Variants in DST observed in about 807,000 individuals in gnomAD.
DST encodes the protein bullous pemphigoid antigen.
Under a neutral mutation model 875.2 loss-of-function variants are expected in DST, and 253 were observed. The observed-to-expected ratio is 0.29, with a 90% CI of 0.26 to 0.32. DST has a LOEUF of 0.32. Ranked by LOEUF, DST falls within the 10% of genes least tolerant of loss-of-function variation. The probability of loss-of-function intolerance (pLI) is 1.00; values close to 1 mark genes in which losing one functional copy is unlikely to be tolerated. For synonymous variants in DST, 3,124 were observed against 3,197.1 expected (o/e 0.98, Z 0.77); for missense variants, 8,287 against 9,111.6 (o/e 0.91, Z 3.68).
At chr6:56,589,151 A>G (rs1268601350) in intron 49 of DST, among the ~76,000 whole-genome samples, 1 of 152,236 alleles carries the variant, frequency 6.6e-6, no homozygotes, top group Non-Finnish European at 1.5e-5. Flanking sequence ...TACTGAATGA[A>G]TAAATACATC....
chr6:56,669,207 A>G (rs976536412), intron 10 of DST, among the ~76,000 whole-genome samples: 2 of 151,476 alleles, frequency 1.3e-5, no homozygotes, highest in African/African-American at 4.9e-5. Flanking sequence ...TATAGTTTAT[A>G]TATAGTTTAT....
At chr6:56,849,806 A>T (rs1479878896) in intron 4 of DST, among the ~76,000 whole-genome samples, 2 of 152,136 alleles carry the variant, frequency 1.3e-5, no homozygotes, top group Non-Finnish European at 2.9e-5. Context: ...CTCTGCCACT[A>T]CTATCAAAAC....
intron 5 of DST, among the ~76,000 whole-genome samples, chr6:56,734,680 T>C (rs936800172): frequency 1.3e-5 from 2 of 152,212 alleles, no homozygotes; most frequent in Non-Finnish European, 2.9e-5. Flanking sequence ...AAATTACCCA[T>C]GGTACACAAG....
chr6:56,816,332 G>A (rs1011734473), intron 4 of DST, among the ~76,000 whole-genome samples: 4 of 151,930 alleles, frequency 2.6e-5, no homozygotes, highest in Non-Finnish European at 4.4e-5. Flanking sequence ...TTCCTGTAGC[G>A]CCAAACTAAT....
chr6:56,564,040 G>T (rs561675850), intron 55 of DST, among the ~76,000 whole-genome samples: 2 of 152,258 alleles, frequency 1.3e-5, no homozygotes, highest in South Asian at 4.1e-4. Context: ...TTTTGCTTAG[G>T]ATTGTCTCGG....
At chr6:56,888,858 G>C (rs1350053778) in intron 3 of DST, among the ~76,000 whole-genome samples, 1 of 152,164 alleles carries the variant, frequency 6.6e-6, no homozygotes, top group Non-Finnish European at 1.5e-5. Context: ...AGGAAAAGAA[G>C]GGTGAGGTCA....
chr6:56,624,477 C>T (rs753934073), intron 36 of DST, 53 bp downstream of exon 36: 3 of 1,216,810 alleles, frequency 2.5e-6, no homozygotes, highest in Non-Finnish European at 3.7e-6. Flanking sequence ...ACTGTAGTTA[C>T]TGCTCATCTC....
At chr6:56,548,123 GGAA>G (rs199557472) in intron 61 of DST, among the ~76,000 whole-genome samples, 4,288 of 152,240 alleles carry the variant, frequency 0.028, 71 homozygotes, top group Non-Finnish European at 0.044. Flanking sequence ...GGGCCACACT[GGAA>G]GAAGAAGAGT....
chr6:56,623,286 TAA>T (rs1211915121), intron 36 of DST, among the ~76,000 whole-genome samples: 2 of 152,200 alleles, frequency 1.3e-5, no homozygotes, highest in East Asian at 1.9e-4. Context: ...GAAAAGAACT[TAA>T]GTTATTTTAT....
intron 2 of DST, among the ~76,000 whole-genome samples, chr6:56,936,777 G>T (rs779707307): frequency 9.0e-4 from 136 of 151,926 alleles, no homozygotes; most frequent in Non-Finnish European, 1.4e-3. Flanking sequence ...GAGCAGAAGA[G>T]AATACCAGAA....
At chr6:56,869,355 C>T (rs1333986298) in intron 3 of DST, among the ~76,000 whole-genome samples, 2 of 152,124 alleles carry the variant, frequency 1.3e-5, no homozygotes, top group African/African-American at 4.8e-5. Flanking sequence ...AGCACAAATA[C>T]AGAAATGTTA....
At chr6:56,486,416 ACTTACTGTGAGTTCCCCAG>A (rs2095570241) in intron 87 of DST, among the ~76,000 whole-genome samples, 1 of 150,212 alleles carries the variant, frequency 6.7e-6, no homozygotes, top group Non-Finnish European at 1.5e-5. Flanking sequence ...CATGACAAAA[ACTTACTGTGAGTTCCCCAG>A]AACTGAATAT....
Position 56,529,645 on chromosome 6 carries a change from C to A in DST, c.17398G>T (p.Val5800Leu). 6.2e-7 allele frequency: 1 copy of A among 1,613,774 alleles called. No homozygotes were observed. Among genetic ancestry groups the A allele is most frequent in the East Asian group, 2.2e-5 (1 of 44,862 alleles). The change falls in exon 66 of 104, where the codon GTA becomes TTA. Residue 5800 changes from valine to leucine, a missense_variant. Around this residue, in one of 10 missense-constraint regions of DST, gnomAD observed 777 missense variants for 764.8 expected, o/e 1.02. Transcript: ENST00000680361. Reference protein sequence around the residue: ...MVQSKLDFSQVWYIEIQEKSH... With the variant: ...MVQSKLDFSQLWYIEIQEKSH... ...TTCTCTTGAATCTCAATGTACCATACTTGAGAGAAGTCTAATTTACTCTGC... is the reference window on the plus strand; with the variant it reads ...TTCTCTTGAATCTCAATGTACCATAATTGAGAGAAGTCTAATTTACTCTGC...
chr6:56,592,808 G>A (rs1184711390), intron 48 of DST, among the ~76,000 whole-genome samples: 1 of 151,918 alleles, frequency 6.6e-6, no homozygotes, highest in Non-Finnish European at 1.5e-5. Context: ...GCCAGTGATG[G>A]TCTTTAAATC....
At chr6:56,713,589 G>A (rs1035230240) in intron 5 of DST, among the ~76,000 whole-genome samples, 2 of 152,176 alleles carry the variant, frequency 1.3e-5, no homozygotes, top group Admixed American at 1.3e-4. Flanking sequence ...GTTAGTGCTG[G>A]GCAAGTAACA....
chr6:56,874,144 A>G (rs893303068), intron 3 of DST, among the ~76,000 whole-genome samples: 3 of 152,122 alleles, frequency 2.0e-5, no homozygotes, highest in African/African-American at 7.2e-5. Context: ...AAAACCATGT[A>G]CCCCATAAAT....
chr6:56,492,870 C>CAAA (rs376190394), intron 84 of DST, 64 bp downstream of exon 84: 1,208 of 969,792 alleles, frequency 1.2e-3, no homozygotes, highest in Non-Finnish European at 1.4e-3. Flanking sequence ...GACTCAGTCT[C>CAAA]AAAAAAAAAA....
intron 5 of DST, among the ~76,000 whole-genome samples, chr6:56,727,442 C>T (rs2099467113): frequency 6.6e-6 from 1 of 152,178 alleles, no homozygotes; most frequent in Non-Finnish European, 1.5e-5. Context: ...CACACACTTC[C>T]AATGTGAAGA....
intron 10 of DST, among the ~76,000 whole-genome samples, chr6:56,651,491 T>C (rs1453791720): frequency 6.6e-6 from 1 of 152,214 alleles, no homozygotes; most frequent in African/African-American, 2.4e-5. Flanking sequence ...AGTCTACAAA[T>C]ATATCATAGT....
Sources: allele counts gnomAD v4.1 joint callset (sites outside exome capture counted in the v4.1 genomes callset), GRCh38; gene constraint gnomAD v4.1.1; regional missense constraint gnomAD v4.1.1; transcripts MANE v1.5; gene names NCBI Gene and HGNC (gene_info 2026-07-23, HGNC 2026-07-21).